TIMM23: variants seen among roughly 807,000 people sequenced by gnomAD.
TIMM23 encodes the protein translocase of inner mitochondrial membrane 23.
Under a neutral mutation model 30.7 loss-of-function variants are expected in TIMM23, and 19 were observed. The observed-to-expected ratio is 0.62, with a 90% CI of 0.43 to 0.91. The LOEUF is 0.91. Ranked by LOEUF, TIMM23 falls within the 40% of genes least tolerant of loss-of-function variation. The pLI, the probability that TIMM23 is intolerant of heterozygous loss-of-function variation, is 0.00. For missense variants in TIMM23, 202 were observed against 269.2 expected (o/e 0.75, Z 1.75); for synonymous variants, 78 against 98.5 (o/e 0.79, Z 1.23).
At chr10:45,977,213 T>C (rs1370320513) in intron 2 of TIMM23, among the ~76,000 whole-genome samples, 3 of 149,022 alleles carry the variant, frequency 2.0e-5, no homozygotes, top group Non-Finnish European at 3.0e-5. Flanking sequence ...CCAGCTGGCT[T>C]TTTTGCAGAA....
chr10:46,003,121 A>G (rs1190776858), intron 6 of TIMM23, 82 bp from the exon 7 acceptor site: 17 of 1,149,964 alleles, frequency 1.5e-5, no homozygotes, highest in Non-Finnish European at 2.2e-5. Flanking sequence ...CCCATTTCAC[A>G]GTACTTTTTA....
At chr10:45,980,713 T>G (rs1425993589) in intron 2 of TIMM23, among the ~76,000 whole-genome samples, 1 of 152,050 alleles carries the variant, frequency 6.6e-6, no homozygotes, top group Non-Finnish European at 1.5e-5. Context: ...TGTCCTGGAG[T>G]GTCAGCAGAA....
At chr10:45,989,559 T>C (rs1337180116) in intron 6 of TIMM23, among the ~76,000 whole-genome samples, 1 of 152,242 alleles carries the variant, frequency 6.6e-6, no homozygotes, top group Non-Finnish European at 1.5e-5. Flanking sequence ...TAAGATTCTT[T>C]TCTGTATTTT....
At chr10:45,981,486 C>A (rs1480354461) in intron 2 of TIMM23, among the ~76,000 whole-genome samples, 1 of 151,436 alleles carries the variant, frequency 6.6e-6, no homozygotes, top group Non-Finnish European at 1.5e-5. Context: ...TTATTATTGC[C>A]CAACAGACCA....
At chr10:45,992,709 C>T (rs1256171120) in intron 6 of TIMM23, 3 of 363,106 alleles carry the variant, frequency 8.3e-6, no homozygotes, top group Non-Finnish European at 1.6e-5. Flanking sequence ...AGATGCCCGC[C>T]ACCACGCCCA....
chr10:45,993,728 C>T (rs1201914551), intron 6 of TIMM23, among the ~76,000 whole-genome samples: 2 of 149,688 alleles, frequency 1.3e-5, no homozygotes, highest in African/African-American at 5.0e-5. Context: ...AATGAAATGC[C>T]AGGTGAAATG....
intron 4 of TIMM23, among the ~76,000 whole-genome samples, chr10:45,984,217 C>T (rs1837935326): frequency 6.6e-6 from 1 of 152,152 alleles, no homozygotes; most frequent in Non-Finnish European, 1.5e-5. Flanking sequence ...ATAGTGAACA[C>T]ATGAACCATA....
At chr10:45,972,786 A>T in intron 1 of TIMM23, 56 bp downstream of exon 1, 1 of 1,599,058 alleles carries the variant, frequency 6.3e-7, no homozygotes, top group Non-Finnish European at 8.5e-7. Context: ...GTCTACACTA[A>T]GTTGCGCGTC....
chr10:45,994,236 G>A (rs1838258646), intron 6 of TIMM23, among the ~76,000 whole-genome samples: 1 of 152,064 alleles, frequency 6.6e-6, no homozygotes, highest in Admixed American at 6.5e-5. Context: ...CTACTTGGGA[G>A]GCTGAGAGAG....
chr10:45,977,064 G>A (rs1211051854), intron 2 of TIMM23, among the ~76,000 whole-genome samples: 3 of 150,492 alleles, frequency 2.0e-5, no homozygotes, highest in East Asian at 3.9e-4. Flanking sequence ...TGGACCAGGT[G>A]CAAAACATAT....
intron 6 of TIMM23, among the ~76,000 whole-genome samples, chr10:45,999,498 C>G (rs1420246275): frequency 1.3e-5 from 2 of 151,944 alleles, no homozygotes; most frequent in African/African-American, 2.4e-5. Context: ...CCCCACAAGC[C>G]GCAAAAACCA....
intron 1 of TIMM23, among the ~76,000 whole-genome samples, chr10:45,973,499 T>A (rs1837564851): frequency 6.6e-6 from 1 of 152,214 alleles, no homozygotes; most frequent in East Asian, 1.9e-4. Flanking sequence ...CTTGTAATAT[T>A]TCTCTAGGTA....
chr10:45,992,037 G>T (rs1255839002), intron 6 of TIMM23, among the ~76,000 whole-genome samples: 3 of 151,718 alleles, frequency 2.0e-5, no homozygotes, highest in Non-Finnish European at 4.4e-5. Context: ...TGCCATCATG[G>T]CTCACTACAG....
chr10:45,998,668 A>G (rs1208861263), intron 6 of TIMM23, among the ~76,000 whole-genome samples: 1 of 152,206 alleles, frequency 6.6e-6, no homozygotes, highest in Non-Finnish European at 1.5e-5. Flanking sequence ...TGTGATAAGT[A>G]CAAACACCAA....
At chr10:45,996,448 T>C (rs1838335447) in intron 6 of TIMM23, among the ~76,000 whole-genome samples, 1 of 150,310 alleles carries the variant, frequency 6.7e-6, no homozygotes, top group African/African-American at 2.5e-5. Flanking sequence ...ACCATGCTCA[T>C]CTATAAAATT....
intron 2 of TIMM23, among the ~76,000 whole-genome samples, chr10:45,978,736 C>T (rs1837750373): frequency 6.6e-6 from 1 of 151,998 alleles, no homozygotes; most frequent in African/African-American, 2.4e-5. Flanking sequence ...GGCAGTTTCT[C>T]AAAGTGTTAA....
intron 2 of TIMM23, among the ~76,000 whole-genome samples, chr10:45,975,793 TTTTGTTTG>T (rs1209463744): frequency 6.6e-5 from 10 of 152,192 alleles, no homozygotes; most frequent in African/African-American, 9.6e-5. Context: ...GTGTGGGGTT[TTTTGTTTG>T]TTTGTTTGTT....
intron 1 of TIMM23, among the ~76,000 whole-genome samples, chr10:45,974,813 G>A (rs1837615861): frequency 6.6e-6 from 1 of 152,004 alleles, no homozygotes. Flanking sequence ...GCATAGGTTT[G>A]TAAATAACTG....
intron 2 of TIMM23, among the ~76,000 whole-genome samples, chr10:45,977,417 T>C (rs1185846476): frequency 2.0e-5 from 3 of 152,206 alleles, no homozygotes; most frequent in Non-Finnish European, 4.4e-5. Flanking sequence ...CCTTACAATA[T>C]ATGCAGTCAC....
Sources: gnomAD v4.1 joint callset for allele counts (sites outside exome capture counted in the v4.1 genomes callset) on GRCh38, gnomAD v4.1.1 for gene constraint, MANE v1.5 for transcripts, NCBI Gene and HGNC (gene_info 2026-07-23, HGNC 2026-07-21) for gene names.